Variants in FHIT observed in about 807,000 individuals in gnomAD.
The protein encoded by FHIT is bis(5'-adenosyl)-triphosphatase.
A neutral mutation model predicts 17.9 loss-of-function variants in FHIT; 19 were observed. The ratio of observed to expected loss-of-function variants is 1.06; its 90% confidence interval spans 0.74 to 1.56. FHIT has a LOEUF of 1.56. Ranked by LOEUF, FHIT falls within the 40% of genes most tolerant of loss-of-function variation. The pLI, the probability that FHIT is intolerant of heterozygous loss-of-function variation, is 0.00. For missense variants in FHIT, 248 were observed against 189.2 expected (o/e 1.31, Z -1.82); for synonymous variants, 81 against 69.7 (o/e 1.16, Z -0.81).
At chr3:60,058,516 C>A (rs1026367206) in intron 5 of FHIT, among the ~76,000 whole-genome samples, 6 of 152,148 alleles carry the variant, frequency 3.9e-5, no homozygotes, top group Non-Finnish European at 8.8e-5. Flanking sequence ...CTCAGTACCA[C>A]TGAATGACAC....
intron 5 of FHIT, among the ~76,000 whole-genome samples, chr3:60,365,883 TGATTAAC>T (rs1394188712): frequency 6.6e-6 from 1 of 152,176 alleles, no homozygotes; most frequent in Non-Finnish European, 1.5e-5. Context: ...AAAATATACC[TGATTAAC>T]AAACAGCTTG....
chr3:61,158,993 C>A (rs888213779), intron 2 of FHIT, among the ~76,000 whole-genome samples: 1 of 152,174 alleles, frequency 6.6e-6, no homozygotes, highest in African/African-American at 2.4e-5. Flanking sequence ...TCCAGCACTG[C>A]TGCTAATTTT....
chr3:59,938,130 G>A (rs1435012516), intron 7 of FHIT, among the ~76,000 whole-genome samples: 1 of 152,086 alleles, frequency 6.6e-6, no homozygotes, highest in African/African-American at 2.4e-5. Flanking sequence ...ATCTATAGTA[G>A]TGAAGATATA....
chr3:59,894,390 C>G (rs951072189), intron 8 of FHIT, among the ~76,000 whole-genome samples: 4 of 152,136 alleles, frequency 2.6e-5, no homozygotes, highest in African/African-American at 9.7e-5. Context: ...CAATGTCTAG[C>G]ACATAATTTA....
chr3:60,448,389 G>A (rs381450), intron 5 of FHIT, among the ~76,000 whole-genome samples: 65,331 of 152,092 alleles, frequency 0.43, 16,872 homozygotes, highest in African/African-American at 0.72. Context: ...AGCTATGTGT[G>A]CAGTATCAAG....
intron 3 of FHIT, among the ~76,000 whole-genome samples, chr3:60,999,967 C>T (rs1429345987): frequency 2.6e-5 from 4 of 152,080 alleles, no homozygotes; most frequent in African/African-American, 7.2e-5. Context: ...CCTGGGGCCT[C>T]TTTTGTATAG....
chr3:60,871,938 C>T lies in FHIT; in HGVS notation c.-110-49927G>A, dbSNP rs78220672. Among the ~76,000 whole-genome samples the T allele has an allele frequency of 6.0e-4, 91 of 152,218 alleles. No individual in the cohort carries two copies. The East Asian group carries it at 0.014, about 23-fold the overall frequency. ...TCAGTCTCCCAAAGGATTGAAATTA[C>T]AAGTGTGAGCCACTGTGCCCAGCTC... is the stretch of plus-strand genomic sequence containing the variant. On this transcript the variant is annotated intron_variant, in intron 3 of 9. Transcript: ENST00000492590.
At chr3:60,519,583 A>G (rs1400139726) in intron 5 of FHIT, among the ~76,000 whole-genome samples, 1 of 131,382 alleles carries the variant, frequency 7.6e-6, no homozygotes, top group Non-Finnish European at 1.7e-5. Flanking sequence ...AGTAAACTAG[A>G]GAAAATATTA....
intron 5 of FHIT, among the ~76,000 whole-genome samples, chr3:60,324,546 C>T (rs1443810422): frequency 7.2e-6 from 1 of 138,458 alleles, no homozygotes; most frequent in African/African-American, 2.8e-5. Flanking sequence ...GATCGCCAAG[C>T]CTGGGTGACA....
intron 4 of FHIT, among the ~76,000 whole-genome samples, chr3:60,814,071 T>G (rs1033231838): frequency 9.2e-5 from 14 of 152,186 alleles, no homozygotes; most frequent in Admixed American, 8.5e-4. Flanking sequence ...ATTTATTTAT[T>G]TTTATTTGTT....
At chr3:60,481,267 G>C (rs2033596956) in intron 5 of FHIT, among the ~76,000 whole-genome samples, 1 of 152,178 alleles carries the variant, frequency 6.6e-6, no homozygotes, top group Admixed American at 6.5e-5. Flanking sequence ...TATTATCCAG[G>C]AGAGCTTCCC....
At chr3:60,384,110 T>G (rs1400305879) in intron 5 of FHIT, among the ~76,000 whole-genome samples, 2 of 151,758 alleles carry the variant, frequency 1.3e-5, no homozygotes, top group Non-Finnish European at 2.9e-5. Flanking sequence ...GCTACTAAAA[T>G]ACAAAAAATT....
chr3:60,644,889 A>G (rs2039817146), intron 4 of FHIT, among the ~76,000 whole-genome samples: 1 of 152,164 alleles, frequency 6.6e-6, no homozygotes, highest in Non-Finnish European at 1.5e-5. Flanking sequence ...TGAAGAAACT[A>G]AGAGACAGAA....
At chr3:60,624,769 TA>T (rs1211961909) in intron 4 of FHIT, among the ~76,000 whole-genome samples, 1 of 152,216 alleles carries the variant, frequency 6.6e-6, no homozygotes, top group Non-Finnish European at 1.5e-5. Flanking sequence ...GTAATGTTTA[TA>T]AGGTTCATCC....
intron 8 of FHIT, among the ~76,000 whole-genome samples, chr3:59,876,366 T>C (rs567703795): frequency 6.6e-6 from 1 of 152,286 alleles, no homozygotes; most frequent in South Asian, 2.1e-4. Flanking sequence ...ATAAGCTACA[T>C]TATTTAAACT....
intron 8 of FHIT, among the ~76,000 whole-genome samples, chr3:59,885,509 T>C (rs920687845): frequency 2.6e-5 from 4 of 151,692 alleles, no homozygotes; most frequent in Non-Finnish European, 5.9e-5. Flanking sequence ...TGAGAATTCA[T>C]GATGGAATGA....
intron 3 of FHIT, among the ~76,000 whole-genome samples, chr3:60,957,702 G>A (rs782007573): frequency 7.2e-5 from 11 of 152,208 alleles, no homozygotes; most frequent in Admixed American, 3.3e-4. Context: ...GCTTAAGTAA[G>A]TGTCACTTCC....
intron 5 of FHIT, among the ~76,000 whole-genome samples, chr3:60,506,018 C>T (rs933455618): frequency 6.6e-6 from 1 of 152,146 alleles, no homozygotes; most frequent in Non-Finnish European, 1.5e-5. Flanking sequence ...CATTTTGTGG[C>T]AATTTCATAA....
chr3:60,627,396 A>G (rs1378196992), intron 4 of FHIT, among the ~76,000 whole-genome samples: 5 of 152,104 alleles, frequency 3.3e-5, no homozygotes, highest in Non-Finnish European at 5.9e-5. Context: ...TTTTGTTTGT[A>G]TCTGTTTAGG....
Sources: gnomAD v4.1 joint callset for allele counts (sites outside exome capture counted in the v4.1 genomes callset) on GRCh38, gnomAD v4.1.1 for gene constraint, MANE v1.5 for transcripts, NCBI Gene and HGNC (gene_info 2026-07-23, HGNC 2026-07-21) for gene names.